The following ADAMTSL1 variants were observed in gnomAD, a reference collection of about 807,000 sequenced individuals.
ADAMTSL1 encodes ADAMTS like 1.
ADAMTSL1 carries 126 observed loss-of-function variants against 201.8 expected under a neutral mutation model. The ratio of observed to expected loss-of-function variants is 0.62; its 90% confidence interval spans 0.54 to 0.72. ADAMTSL1 has a LOEUF of 0.72. Among genes scored for constraint, ADAMTSL1 ranks in the 30% least tolerant of loss-of-function variants. The pLI is 0.00. For missense variants in ADAMTSL1, 2,679 were observed against 2,277.8 expected, an observed-to-expected ratio of 1.18 and a Z score of -3.59; for synonymous variants, 1,121 against 903.4, an observed-to-expected ratio of 1.24 and a Z score of -4.32.
At chr9:18,569,203 T>C (rs1014900277) in intron 3 of ADAMTSL1, among the ~76,000 whole-genome samples, 11 of 152,134 alleles carry the variant, frequency 7.2e-5, no homozygotes, top group African/African-American at 1.9e-4. Flanking sequence ...CACTGGATAG[T>C]TGATTAACCA....
At position 18,777,361 on chromosome 9, in the gene ADAMTSL1, G is replaced by A. The variant is rs751072322; in HGVS notation, c.3132G>A (p.Ala1044=). Residue 1044 remains alanine, a synonymous_variant, in exon 19 of 29, where the codon GCG becomes GCA. Transcript: ENST00000380548. ...GAGAGCTGCTGGCCTCGTGGGAGGC[G>A]CAGGACTCTGCGGAAAGGAACACGA... is the stretch of plus-strand genomic sequence containing the variant. ...WPGELLASWE[A]QDSAERNTTS... The A allele has an allele frequency of 4.4e-5, 70 of 1,601,580 alleles. No homozygotes were observed. The highest frequency in any genetic ancestry group is 5.7e-5 in the Non-Finnish European group (67 of 1,174,780).
At chr9:18,837,858 T>G (rs903307468) in intron 23 of ADAMTSL1, among the ~76,000 whole-genome samples, 1 of 152,150 alleles carries the variant, frequency 6.6e-6, no homozygotes, top group Non-Finnish European at 1.5e-5. Flanking sequence ...TCCCTCTACC[T>G]TATTATTGGA....
At chr9:18,391,824 C>T (rs373105765) in intron 2 of ADAMTSL1, among the ~76,000 whole-genome samples, 19 of 116,710 alleles carry the variant, frequency 1.6e-4, no homozygotes, top group East Asian at 2.5e-4. Flanking sequence ...TCTTTTCTTT[C>T]TTTTTTTTTT....
intron 2 of ADAMTSL1, among the ~76,000 whole-genome samples, chr9:18,295,217 G>A (rs1484737559): frequency 6.6e-6 from 1 of 152,112 alleles, no homozygotes; most frequent in South Asian, 2.1e-4. Flanking sequence ...GCCCAGGTCA[G>A]TAAATCATTA....
intron 2 of ADAMTSL1, among the ~76,000 whole-genome samples, chr9:18,323,776 A>C (rs1350788049): frequency 6.6e-6 from 1 of 152,230 alleles, no homozygotes; most frequent in Non-Finnish European, 1.5e-5. Flanking sequence ...TTAACAAAAT[A>C]TATGCAAAAC....
At chr9:18,516,097 A>AG (rs965937694) in intron 2 of ADAMTSL1, among the ~76,000 whole-genome samples, 1 of 151,670 alleles carries the variant, frequency 6.6e-6, no homozygotes, top group Admixed American at 6.6e-5. Flanking sequence ...CAAAAAAAAA[A>AG]AAAAGAAAGA....
intron 1 of ADAMTSL1, among the ~76,000 whole-genome samples, chr9:18,080,147 C>T (rs1191253388): frequency 1.3e-5 from 2 of 152,168 alleles, no homozygotes; most frequent in African/African-American, 4.8e-5. Context: ...AGCTCATATT[C>T]TGTGCAAATG....
intron 23 of ADAMTSL1, among the ~76,000 whole-genome samples, chr9:18,839,487 T>C (rs1825572579): frequency 6.6e-6 from 1 of 152,178 alleles, no homozygotes; most frequent in African/African-American, 2.4e-5. Context: ...AGTGCCGCAA[T>C]AAACATATGT....
At chr9:18,175,489 T>G (rs927084911) in intron 2 of ADAMTSL1, among the ~76,000 whole-genome samples, 1 of 152,202 alleles carries the variant, frequency 6.6e-6, no homozygotes, top group African/African-American at 2.4e-5. Flanking sequence ...TGAAACACAA[T>G]TTAACATCAA....
At chr9:18,047,615 G>C (rs185944885) in intron 1 of ADAMTSL1, among the ~76,000 whole-genome samples, 1 of 152,128 alleles carries the variant, frequency 6.6e-6, no homozygotes, top group African/African-American at 2.4e-5. Context: ...TGAGGTCTTG[G>C]GGGTGGGGTG....
At chr9:18,511,390 A>G (rs115310283) in intron 2 of ADAMTSL1, among the ~76,000 whole-genome samples, 4,080 of 152,048 alleles carry the variant, frequency 0.027, 123 homozygotes, top group South Asian at 0.078. Flanking sequence ...TGATCTTCTT[A>G]TGAAGGATGG....
chr9:18,580,877 T>A (rs2132409840), intron 4 of ADAMTSL1, among the ~76,000 whole-genome samples: 1 of 152,294 alleles, frequency 6.6e-6, no homozygotes, highest in African/African-American at 2.4e-5. Context: ...CACTATACTA[T>A]ACTGCCCTCA....
At chr9:17,914,780 C>G (rs1397704114) in intron 1 of ADAMTSL1, among the ~76,000 whole-genome samples, 1 of 151,958 alleles carries the variant, frequency 6.6e-6, no homozygotes, top group African/African-American at 2.4e-5. Flanking sequence ...ACCACATTGT[C>G]TCAGCCCAAA....
rs141524497 is a variant in ADAMTSL1, at chr9:17,967,155, T to C, written c.87+60233T>C. Among the ~76,000 whole-genome samples, 68 of 152,266 alleles carry C rather than the reference T, an allele frequency of 4.5e-4. No homozygotes were observed. The Middle Eastern group carries it at 0.01, about 23-fold the overall frequency. ...CAGTTTGATCATTGTCTCTAGGGCATGTCCGGATGTAGGTAGGAAATAAAC... is the reference window on the plus strand; with the variant it reads ...CAGTTTGATCATTGTCTCTAGGGCACGTCCGGATGTAGGTAGGAAATAAAC... On this transcript the variant is annotated intron_variant, in intron 1 of 29. Transcript: ENST00000680146.
At chr9:17,977,411 T>G (rs1818499359) in intron 1 of ADAMTSL1, among the ~76,000 whole-genome samples, 1 of 152,120 alleles carries the variant, frequency 6.6e-6, no homozygotes, top group Admixed American at 6.6e-5. Context: ...CTTTAAATGT[T>G]TAGTAAAATT....
At chr9:18,163,716 C>T (rs979526113) in intron 1 of ADAMTSL1, 7 of 151,988 alleles carry the variant, frequency 4.6e-5, no homozygotes, top group Admixed American at 1.3e-4. Context: ...TAGTGGTTCT[C>T]GCATTAATAT....
At position 18,584,025 on chromosome 9, in the gene ADAMTSL1, G is replaced by A. The variant is rs547449267; in HGVS notation, c.474+9759G>A. 2.1e-3 allele frequency among the ~76,000 whole-genome samples: 318 copies of A among 152,300 alleles called. 2 individuals carry two copies. The highest frequency in any genetic ancestry group is 8.7e-4 in the Non-Finnish European group (59 of 68,024). ...TGGGCTTTTGAGTTAATGCTGAAAT[G>A]AGTTAAGACTTTGGGGGACTGTTGA... On this transcript the variant is annotated intron_variant, in intron 4 of 28. Transcript: ENST00000380548.
rs536822351 is a variant in ADAMTSL1, at chr9:18,048,737, C to G, written c.88-115125C>G. Among the ~76,000 whole-genome samples the G allele has an allele frequency of 6.6e-5, 10 of 152,274 alleles. 1 individual carries two copies. The highest frequency in any genetic ancestry group is 2.4e-4 in the African/African-American group (10 of 41,558). ...ACATCGTGAGTTGCTTTCCTTCGTC[C>G]TTACCAGCTTTGTTTATAATATCTT... On this transcript the variant is annotated intron_variant, in intron 1 of 29. Coordinates refer to the ADAMTSL1 transcript ENST00000680146.
At position 18,905,784 on chromosome 9, in the gene ADAMTSL1, C is replaced by T. The variant is rs1227178472; in HGVS notation, c.4854C>T (p.Cys1618=). The stretch of plus-strand genomic sequence containing the variant: ...TGTTACCTTTTTCTGCTTTCCAGTG[C>T]AATGGGCCTTGCATCGGGCCTCACC... ...VEWAFSSWGQ[C]NGPCIGPHLA... The change falls in exon 27 of 29, where the codon TGC becomes TGT. Residue 1618 remains cysteine (C), a splice_region_variant and synonymous_variant. Coordinates refer to ENST00000380548, the MANE Select transcript of ADAMTSL1 (RefSeq NM_001040272.6). 2 of 1,612,210 alleles carry T rather than the reference C, an allele frequency of 1.2e-6. No individual in the cohort carries two copies. The highest frequency in any genetic ancestry group is 1.3e-5 in the African/African-American group (1 of 74,914).
Sources: allele counts gnomAD v4.1 joint callset (sites outside exome capture counted in the v4.1 genomes callset), GRCh38; gene constraint gnomAD v4.1.1; transcripts MANE v1.5; gene names NCBI Gene and HGNC (gene_info 2026-07-23, HGNC 2026-07-21).